Variants in CERS4 observed in about 807,000 individuals in gnomAD.
The protein encoded by CERS4 is ceramide synthase 4, also known as LAG1 homolog, ceramide synthase 4.
In CERS4, 65 loss-of-function variants were observed where a neutral mutation model predicts 51.8. The observed-to-expected ratio is 1.26, with a 90% CI of 1.03 to 1.54. The LOEUF is 1.54. Among genes scored for constraint, CERS4 ranks in the 40% most tolerant of loss-of-function variants. CERS4 has a pLI of 0.00. For missense variants in CERS4, 563 were observed against 500.4 expected (o/e 1.13, Z -1.19); for synonymous variants, 228 against 208.4 (o/e 1.09, Z -0.81).
chr19:8,261,563 T>TG (rs996725416), intron 10 of CERS4, 125 bp from the exon 11 acceptor site: 19 of 1,068,204 alleles, frequency 1.8e-5, no homozygotes, highest in Non-Finnish European at 2.5e-5. Context: ...TATCATGGGG[T>TG]GGGGGGCACT....
intron 2 of CERS4, among the ~76,000 whole-genome samples, chr19:8,249,857 G>GGCCCA (rs2060860584): frequency 2.0e-5 from 3 of 151,978 alleles, no homozygotes; most frequent in Admixed American, 1.3e-4. Flanking sequence ...CCAAAGTGCT[G>GGCCCA]GGATTACAGG....
In CERS4 at chr19:8,256,267, G is replaced by A. The variant is rs1029651463; in HGVS notation, c.500G>A (p.Trp167Ter). The stretch of plus-strand genomic sequence containing the variant: ...TGGCTGTGGGCACCAGTAATGTGCT[G>A]GGACAGGTACCCAAACCAGGTGAGT... ...ESWLWAPVMC[W>*]DRYPNQTLKP... The change falls in exon 7 of 12, where the codon TGG becomes TAG. Residue 167 changes from tryptophan (W) to a stop codon, truncating the protein, a stop_gained. Transcript: ENST00000251363. LOFTEE classifies it high-confidence loss of function. 3 of 1,613,404 alleles carry A rather than the reference G, an allele frequency of 1.9e-6. No homozygotes were observed. Among genetic ancestry groups the A allele is most frequent in the Non-Finnish European group, 2.5e-6 (3 of 1,179,810 alleles).
intron 3 of CERS4, among the ~76,000 whole-genome samples, chr19:8,252,169 G>A (rs1466803946): frequency 6.6e-6 from 1 of 151,962 alleles, no homozygotes; most frequent in East Asian, 1.9e-4. Context: ...AGGAGTTCAA[G>A]ACCAGCCCGA....
intron 2 of CERS4, among the ~76,000 whole-genome samples, chr19:8,234,995 TTTTC>T (rs1213336241): frequency 0.038 from 5,407 of 140,870 alleles, 213 homozygotes; most frequent in Middle Eastern, 0.056. Context: ...ATCTTTCTCT[TTTTC>T]TTTCTTTCTT....
intron 2 of CERS4, among the ~76,000 whole-genome samples, chr19:8,221,874 T>TTTG (rs1967564468): frequency 1.3e-5 from 1 of 79,952 alleles, no homozygotes; most frequent in African/African-American, 5.3e-5. Context: ...TTTTTTATGT[T>TTTG]TTTTTTTTTT....
chr19:8,262,270 C>A lies in CERS4; in HGVS notation c.*161C>A. ...ATCTGTCTCCAGCCCCTTCCTTCTG[C>A]CCACCCACCCTTCTTCCCTCTGGGC... On this transcript the variant is annotated 3_prime_UTR_variant, in exon 12 of 12. Coordinates refer to ENST00000251363, the MANE Select transcript of CERS4 (RefSeq NM_024552.3). 1.4e-6 allele frequency: 1 copy of A among 696,810 alleles called. No homozygotes were observed. The highest frequency in any genetic ancestry group is 4.1e-5 in the South Asian group (1 of 24,112). The allele number at this position is 696,810 out of a possible 1,614,324, so 43.2% of individuals were successfully genotyped here.
At chr19:8,221,601 A>G (rs1467731404) in intron 2 of CERS4, among the ~76,000 whole-genome samples, 1 of 148,624 alleles carries the variant, frequency 6.7e-6, no homozygotes, top group Admixed American at 6.8e-5. Context: ...GCTGGAGTGC[A>G]GTGGCACGAT....
At chr19:8,216,347 C>G (rs554330891) in intron 2 of CERS4, among the ~76,000 whole-genome samples, 1 of 151,528 alleles carries the variant, frequency 6.6e-6, no homozygotes, top group South Asian at 2.1e-4. Flanking sequence ...GCACTGCATT[C>G]CAGCCTGGGC....
In CERS4 at chr19:8,251,213, C is replaced by G; in HGVS notation, c.137C>G (p.Ala46Gly). The G allele has an allele frequency of 6.2e-7, 1 of 1,611,254 alleles. No individual in the cohort carries two copies. The highest frequency in any genetic ancestry group is 1.1e-5 in the South Asian group (1 of 90,518). Reference protein sequence around the residue: ...PQDLLAALPLALVLLAMRLAF... With the variant: ...PQDLLAALPLGLVLLAMRLAF... The stretch of plus-strand genomic sequence containing the variant: ...GACTTGTTGGCAGCCCTGCCCCTGG[C>G]GCTGGTCCTCCTGGCCATGCGCCTT... The change falls in exon 3 of 12, where the codon GCG becomes GGG. Residue 46 changes from alanine to glycine, a missense_variant. By Grantham distance (60) the Ala-to-Gly change is moderately conservative. Transcript: ENST00000251363.
At position 8,261,671 on chromosome 19, in the gene CERS4, T is replaced by TC; in HGVS notation, c.849-16dup. 6.2e-7 allele frequency: 1 copy of TC among 1,613,518 alleles called. No homozygotes were observed. Among genetic ancestry groups the TC allele is most frequent in the Non-Finnish European group, 8.5e-7 (1 of 1,179,784 alleles). On this transcript the variant is annotated splice_polypyrimidine_tract_variant and intron_variant, in intron 10 of 11. Transcript: ENST00000251363. ...GGCTGGTCAAACCCCAGCCTCCTCC[T>TC]CTCCCCCTGGCTGTAGGATCCTCTA... is the stretch of plus-strand genomic sequence containing the variant.
intron 6 of CERS4, 67 bp downstream of exon 6, chr19:8,255,946 T>TG (rs1327647054): frequency 1.8e-5 from 28 of 1,536,450 alleles, no homozygotes; most frequent in Admixed American, 5.0e-5. Context: ...CTGGCAGGAG[T>TG]GGGGGTGTGG....
At chr19:8,218,422 G>A (rs757030777) in intron 2 of CERS4, among the ~76,000 whole-genome samples, 1 of 152,188 alleles carries the variant, frequency 6.6e-6, no homozygotes, top group Non-Finnish European at 1.5e-5. Flanking sequence ...CCTGGCATCC[G>A]GGAATGGCAT....
intron 2 of CERS4, among the ~76,000 whole-genome samples, chr19:8,216,297 T>G (rs544415550): frequency 6.6e-6 from 1 of 151,684 alleles, no homozygotes; most frequent in South Asian, 2.1e-4. Flanking sequence ...GAGAATCACT[T>G]GAACCTGGGA....
chr19:8,261,845 G>A lies in CERS4; in HGVS notation c.1005+1G>A, dbSNP rs1281484380. ...CTATAGCTTCATGAAGAAGGGCCAG[G>A]TATGGCTGGACCTCCCCGGGGGCCC... is the stretch of plus-strand genomic sequence containing the variant. On this transcript the variant is annotated splice_donor_variant, in intron 11 of 11. Coordinates refer to ENST00000251363, the MANE Select transcript of CERS4 (RefSeq NM_024552.3). LOFTEE classifies it high-confidence loss of function. The A allele has an allele frequency of 6.2e-7, 1 of 1,614,134 alleles. No homozygotes were observed. The highest frequency in any genetic ancestry group is 1.7e-5 in the Admixed American group (1 of 60,018).
At chr19:8,250,444 CTGTT>C (rs1356191526) in intron 2 of CERS4, 1 of 152,522 alleles carries the variant, frequency 6.6e-6, no homozygotes. Context: ...ATTACTGTCT[CTGTT>C]TTTTTGTTTT....
Position 8,253,963 on chromosome 19 carries a change from G to A in CERS4, c.174-536G>A, listed in dbSNP as rs1466900647. ...TGAGGCCAGGAATAAGTGGAAAATC[G>A]AGTCCTGCCCCACGAGCCTTTCTGA... On this transcript the variant is annotated intron_variant, in intron 3 of 11. Transcript: ENST00000251363. 2.6e-5 allele frequency among the ~76,000 whole-genome samples: 4 copies of A among 151,934 alleles called. No homozygotes were observed. The East Asian group carries it at 5.8e-4, about 22-fold the overall frequency.
intron 2 of CERS4, among the ~76,000 whole-genome samples, chr19:8,237,051 C>T (rs1007295170): frequency 3.0e-5 from 4 of 132,370 alleles, no homozygotes; most frequent in Non-Finnish European, 6.5e-5. Flanking sequence ...AGAAAGAAAT[C>T]TGTTTATTTC....
chr19:8,227,586 C>CATGATCCAAATGAT (rs1479707329), intron 2 of CERS4, among the ~76,000 whole-genome samples: 2 of 151,932 alleles, frequency 1.3e-5, no homozygotes, highest in African/African-American at 4.8e-5. Flanking sequence ...AAATGATCCA[C>CATGATCCAAATGAT]CCGTCTCAGC....
intron 2 of CERS4, among the ~76,000 whole-genome samples, chr19:8,211,751 G>A (rs1440911147): frequency 1.3e-5 from 2 of 151,986 alleles, no homozygotes; most frequent in African/African-American, 2.4e-5. Flanking sequence ...AATTAGCCGG[G>A]CGTGGTGGCA....
Sources: allele counts gnomAD v4.1 joint callset (sites outside exome capture counted in the v4.1 genomes callset), GRCh38; gene constraint gnomAD v4.1.1; transcripts MANE v1.5; gene names NCBI Gene and HGNC (gene_info 2026-07-23, HGNC 2026-07-21).